MBTPS2: variants seen among roughly 807,000 people sequenced by gnomAD.
The protein encoded by MBTPS2 is membrane bound transcription factor peptidase, site 2, also known as membrane-bound transcription factor site-2 protease.
A neutral mutation model predicts 35.4 loss-of-function variants in MBTPS2; 2 were observed. The ratio of observed to expected loss-of-function variants is 0.06; its 90% CI spans 0.02 to 0.18. MBTPS2 has a LOEUF of 0.18. Among genes scored for constraint, MBTPS2 ranks in the 10% least tolerant of loss-of-function variants. MBTPS2 has a pLI of 1.00. For missense variants in MBTPS2, 244 were observed against 386.5 expected (o/e 0.63, Z 3.09); for synonymous variants, 125 against 140.4 (o/e 0.89, Z 0.77).
chrX:21,857,073 G>C (rs1300673268), intron 5 of MBTPS2: 1 of 1,211,834 alleles, frequency 8.3e-7, no homozygotes, highest in Non-Finnish European at 1.1e-6. Context: ...CAATGACCAA[G>C]GGGCAGTGGG....
intron 5 of MBTPS2, among the ~76,000 whole-genome samples, chrX:21,864,027 G>T (rs1555984178): frequency 8.9e-6 from 1 of 112,289 alleles, no homozygotes; most frequent in South Asian, 3.7e-4. Flanking sequence ...GGAAGACAAC[G>T]TGGGAAACCT....
chrX:21,855,914 T>C (rs1210451090), intron 5 of MBTPS2: 1 of 112,115 alleles, frequency 8.9e-6, no homozygotes, highest in Non-Finnish European at 1.9e-5. Context: ...AGCACAACAC[T>C]TTGCATTCCT....
intron 3 of MBTPS2, among the ~76,000 whole-genome samples, chrX:21,850,026 C>CAAAA (rs757928757): frequency 2.6e-4 from 7 of 27,448 alleles, no homozygotes; most frequent in Admixed American, 2.3e-3. Flanking sequence ...GACTCCGTCT[C>CAAAA]AAAAAAAAAA....
intron 1 of MBTPS2, among the ~76,000 whole-genome samples, chrX:21,840,458 C>T (rs2092901472): frequency 9.0e-6 from 1 of 111,581 alleles, no homozygotes; most frequent in Non-Finnish European, 1.9e-5. Flanking sequence ...CTGATTTACA[C>T]GCTGCACCCC....
intron 1 of MBTPS2, among the ~76,000 whole-genome samples, chrX:21,840,260 T>G (rs181717142): frequency 4.4e-5 from 5 of 112,917 alleles, no homozygotes; most frequent in Non-Finnish European, 9.4e-5. Context: ...AATTTTTAAA[T>G]GCATATGATC....
At chrX:21,875,364 TA>T (rs1201137344) in intron 7 of MBTPS2, among the ~76,000 whole-genome samples, 1 of 112,274 alleles carries the variant, frequency 8.9e-6, no homozygotes, top group East Asian at 2.8e-4. Context: ...GCCTGGCTGC[TA>T]ACCCCCTAGA....
At chrX:21,858,878 G>C in intron 5 of MBTPS2, among the ~76,000 whole-genome samples, 1 of 78,204 alleles carries the variant, frequency 1.3e-5, no homozygotes, top group Middle Eastern at 6.9e-3. Context: ...GACAGAGTAA[G>C]ACCTTGTGTC....
chrX:21,863,927 A>G (rs1208407057), intron 5 of MBTPS2, among the ~76,000 whole-genome samples: 1 of 111,808 alleles, frequency 8.9e-6, no homozygotes, highest in Non-Finnish European at 1.9e-5. Flanking sequence ...ACAAATTCAA[A>G]GATCTGGAAT....
At chrX:21,879,949 C>CTTCTTT (rs2092957272) in intron 9 of MBTPS2, among the ~76,000 whole-genome samples, 3 of 47,423 alleles carry the variant, frequency 6.3e-5, no homozygotes, top group Non-Finnish European at 3.3e-5. Context: ...TTATGTTATT[C>CTTCTTT]TTTTTTTTTT....
chrX:21,843,395 T>G (rs2092904918), intron 2 of MBTPS2, 77 bp downstream of exon 2: 1 of 1,011,430 alleles, frequency 9.9e-7, no homozygotes, highest in African/African-American at 1.9e-5. Flanking sequence ...AATTAACTAT[T>G]TCCATTACTT....
chrX:21,854,459 ATC>A (rs1176525029), intron 5 of MBTPS2, among the ~76,000 whole-genome samples: 1 of 112,630 alleles, frequency 8.9e-6, no homozygotes, highest in Non-Finnish European at 1.9e-5. Flanking sequence ...TACAAAATAA[ATC>A]TGTGTAAATA....
chrX:21,871,410 C>T (rs1375722611), intron 7 of MBTPS2: 1 of 111,764 alleles, frequency 8.9e-6, no homozygotes, highest in African/African-American at 3.2e-5. Flanking sequence ...CTGCCAGCTT[C>T]GGCAGTTATT....
At chrX:21,852,810 T>A (rs1312935537) in intron 4 of MBTPS2, among the ~76,000 whole-genome samples, 1 of 110,159 alleles carries the variant, frequency 9.1e-6, no homozygotes, top group Admixed American at 9.8e-5. Flanking sequence ...TTTTTTTTTT[T>A]AATATGGAGA....
At chrX:21,841,201 G>A (rs1432392896) in intron 1 of MBTPS2, among the ~76,000 whole-genome samples, 7 of 111,553 alleles carry the variant, frequency 6.3e-5, no homozygotes, top group African/African-American at 1.6e-4. Flanking sequence ...TGGGAGGATT[G>A]CCTGAGTCCA....
rs1269793347 is a variant in MBTPS2 at position 21,864,547 on chromosome X, T to A, written c.671-3920T>A. Among the ~76,000 whole-genome samples, 7 of 111,731 alleles carry A rather than the reference T, an allele frequency of 6.3e-5. No homozygotes were observed. The South Asian group carries it at 2.6e-3, about 42-fold the overall frequency. On this transcript the variant is annotated intron_variant, in intron 5 of 10. Transcript: ENST00000379484. ...TAAAGAGTTGCATATATAGGCCAGG[T>A]GTGGTGACTCACGCCTTTAATCCCA...
intron 5 of MBTPS2, among the ~76,000 whole-genome samples, chrX:21,865,693 T>A (rs2092938772): frequency 8.9e-6 from 1 of 112,704 alleles, no homozygotes; most frequent in Admixed American, 9.4e-5. Flanking sequence ...CTATAACTAC[T>A]GTGAGTTATT....
intron 9 of MBTPS2, among the ~76,000 whole-genome samples, chrX:21,880,579 A>G (rs1053243701): frequency 9.0e-6 from 1 of 111,616 alleles, no homozygotes; most frequent in African/African-American, 3.3e-5. Flanking sequence ...GAGGTTAAGT[A>G]GTATAATAGT....
At chrX:21,880,069 T>C (rs1294113424) in intron 9 of MBTPS2, among the ~76,000 whole-genome samples, 7 of 104,324 alleles carry the variant, frequency 6.7e-5, no homozygotes, top group Admixed American at 6.4e-4. Context: ...TTCTCCTGCC[T>C]CAGCCTCCAG....
chrX:21,857,294 C>T lies in MBTPS2; in HGVS notation c.670+3791C>T, dbSNP rs764439071. 21 of 1,210,364 alleles carry T rather than the reference C, an allele frequency of 1.7e-5. No individual in the cohort carries two copies. The African/African-American group carries it at 3.1e-4, about 18-fold the overall frequency. On this transcript the variant is annotated intron_variant, in intron 5 of 10. Coordinates refer to ENST00000379484, the MANE Select transcript of MBTPS2 (RefSeq NM_015884.4). ...AAAAGATGTTCCGGGATTACGCCGC[C>T]ATGAGAAAACATCTCCACATCCACG...
Sources: gnomAD v4.1 joint callset for allele counts (sites outside exome capture counted in the v4.1 genomes callset) on GRCh38, gnomAD v4.1.1 for gene constraint, MANE v1.5 for transcripts, NCBI Gene and HGNC (gene_info 2026-07-23, HGNC 2026-07-21) for gene names.